TBC1D5: variants seen among roughly 807,000 people sequenced by gnomAD.
The protein encoded by TBC1D5 is TBC1 domain family, member 5.
TBC1D5 carries 75 observed loss-of-function variants against 100.3 expected under a neutral mutation model. The ratio of observed to expected loss-of-function variants is 0.75; its 90% CI spans 0.62 to 0.91. The LOEUF (loss-of-function observed/expected upper bound fraction) is 0.91. TBC1D5 is among the 40% of genes least tolerant of loss of function. TBC1D5 has a pLI of 0.00. For synonymous variants in TBC1D5, 323 were observed against 325.6 expected (o/e 0.99, Z 0.09); for missense variants, 910 against 942.4 (o/e 0.97, Z 0.45).
intron 2 of TBC1D5, among the ~76,000 whole-genome samples, chr3:17,618,299 A>G (rs1454048584): frequency 6.6e-6 from 1 of 152,106 alleles, no homozygotes; most frequent in Non-Finnish European, 1.5e-5. Context: ...ACCCGCCTGT[A>G]TGAGGTGTCT....
intron 16 of TBC1D5, among the ~76,000 whole-genome samples, chr3:17,248,884 T>C (rs758138492): frequency 5.9e-5 from 9 of 152,202 alleles, no homozygotes; most frequent in African/African-American, 1.9e-4. Context: ...TCAATTATCA[T>C]AGATACATCT....
At chr3:17,441,563 G>C (rs2149542760) in intron 3 of TBC1D5, among the ~76,000 whole-genome samples, 1 of 152,298 alleles carries the variant, frequency 6.6e-6, no homozygotes, top group Admixed American at 6.5e-5. Context: ...ACTGGGGGCA[G>C]AGTACTATGA....
intron 2 of TBC1D5, among the ~76,000 whole-genome samples, chr3:17,530,582 G>A (rs898050550): frequency 6.6e-6 from 1 of 152,078 alleles, no homozygotes; most frequent in African/African-American, 2.4e-5. Flanking sequence ...CCACACACTA[G>A]CCAAAGCTTT....
chr3:17,672,906 G>A (rs1236462659), intron 1 of TBC1D5, among the ~76,000 whole-genome samples: 1 of 152,138 alleles, frequency 6.6e-6, no homozygotes, highest in African/African-American at 2.4e-5. Context: ...AAAGTATCCT[G>A]ACCCTTAATG....
At chr3:17,567,996 A>G (rs1456117402) in intron 2 of TBC1D5, among the ~76,000 whole-genome samples, 1 of 151,624 alleles carries the variant, frequency 6.6e-6, no homozygotes, top group African/African-American at 2.4e-5. Context: ...CAACAAGAGT[A>G]TACTAATTCT....
chr3:17,736,344 AAG>A (rs1241116781), intron 1 of TBC1D5, among the ~76,000 whole-genome samples: 1 of 152,204 alleles, frequency 6.6e-6, no homozygotes, highest in African/African-American at 2.4e-5. Context: ...CCACAGGATA[AAG>A]AGACTTAAAT....
chr3:17,531,215 G>A (rs1234652627), intron 2 of TBC1D5, among the ~76,000 whole-genome samples: 1 of 152,192 alleles, frequency 6.6e-6, no homozygotes, highest in Admixed American at 6.5e-5. Context: ...GCCAAGTCAT[G>A]AGTGAACTCC....
At position 17,605,982 on chromosome 3, in the gene TBC1D5, T is replaced by C. The variant is rs560654621; in HGVS notation, c.-36+17867A>G. On this transcript the variant is annotated intron_variant, in intron 2 of 21. Coordinates refer to ENST00000253692, the Ensembl canonical transcript of TBC1D5. ...AGCTTGCTCTCTAGTTCTAGACACA[T>C]TTATTTTGCAAGTTGGCCTGTCTAA... Among the ~76,000 whole-genome samples the C allele has an allele frequency of 2.4e-4, 37 of 152,324 alleles. 1 individual carries two copies. The highest frequency in any genetic ancestry group is 8.4e-4 in the African/African-American group (35 of 41,580).
At chr3:17,403,552 A>AC (rs752353739) in intron 7 of TBC1D5, among the ~76,000 whole-genome samples, 3 of 152,160 alleles carry the variant, frequency 2.0e-5, no homozygotes, top group Admixed American at 6.6e-5. Flanking sequence ...AAAATTAAAA[A>AC]TAGCAATACA....
chr3:17,625,960 T>C (rs2063017128), intron 1 of TBC1D5, among the ~76,000 whole-genome samples: 1 of 152,146 alleles, frequency 6.6e-6, no homozygotes, highest in Non-Finnish European at 1.5e-5. Flanking sequence ...ATAAATGACA[T>C]AAAATTTACT....
intron 17 of TBC1D5, among the ~76,000 whole-genome samples, chr3:17,230,168 T>G (rs543913662): frequency 6.6e-6 from 1 of 152,270 alleles, no homozygotes; most frequent in African/African-American, 2.4e-5. Context: ...CTCACTCTTG[T>G]GAGTGGAAGC....
chr3:17,384,918 A>G (rs896623469), intron 8 of TBC1D5, among the ~76,000 whole-genome samples: 1 of 152,098 alleles, frequency 6.6e-6, no homozygotes, highest in Admixed American at 6.6e-5. Context: ...TTTTTGAATA[A>G]GGAAGTGATA....
Position 17,185,807 on chromosome 3 carries a change from G to A in TBC1D5, c.1753-599C>T, listed in dbSNP as rs186135727. Among the ~76,000 whole-genome samples, 126 of 152,162 alleles carry A rather than the reference G, an allele frequency of 8.3e-4. 2 individuals carry two copies. In the East Asian group the frequency reaches 0.013, roughly 15 times the overall value. On this transcript the variant is annotated intron_variant, in intron 18 of 21. Transcript: ENST00000253692. Reference sequence around the variant, plus strand: ...CGCTTGGAAAAGTTTTGCCTCAGCAGCCCATAAATTGTTGCTCCTCTCTCT... The same window carrying A: ...CGCTTGGAAAAGTTTTGCCTCAGCAACCCATAAATTGTTGCTCCTCTCTCT...
At chr3:17,454,189 C>T (rs907231721) in intron 3 of TBC1D5, among the ~76,000 whole-genome samples, 15 of 152,206 alleles carry the variant, frequency 9.9e-5, no homozygotes, top group Admixed American at 2.0e-4. Flanking sequence ...AAATTGAAAG[C>T]CTTTTCTTTA....
At chr3:17,647,378 G>C (rs989105507) in intron 1 of TBC1D5, among the ~76,000 whole-genome samples, 4 of 152,134 alleles carry the variant, frequency 2.6e-5, no homozygotes, top group Non-Finnish European at 5.9e-5. Flanking sequence ...ATTATTAAGT[G>C]CTTCAGAGAA....
intron 1 of TBC1D5, among the ~76,000 whole-genome samples, chr3:17,713,249 T>C (rs555253788): frequency 1.2e-3 from 178 of 151,032 alleles, no homozygotes; most frequent in African/African-American, 2.5e-3. Flanking sequence ...CTTTTCTTTT[T>C]TTTTTTTTTT....
intron 1 of TBC1D5, among the ~76,000 whole-genome samples, chr3:17,639,505 T>C (rs1446759841): frequency 6.6e-6 from 1 of 150,756 alleles, no homozygotes; most frequent in Non-Finnish European, 1.5e-5. Context: ...CTTGAAAAGA[T>C]GAATCATACC....
At chr3:17,566,168 G>C (rs1373318121) in intron 2 of TBC1D5, among the ~76,000 whole-genome samples, 1 of 151,980 alleles carries the variant, frequency 6.6e-6, no homozygotes, top group Admixed American at 6.5e-5. Context: ...AATATATTCA[G>C]TTATGTGAGC....
At chr3:17,237,895 G>A (rs2075986099) in intron 17 of TBC1D5, among the ~76,000 whole-genome samples, 1 of 152,116 alleles carries the variant, frequency 6.6e-6, no homozygotes, top group Non-Finnish European at 1.5e-5. Flanking sequence ...CAATTTCTGT[G>A]TTGTGTTAAT....
Sources: gnomAD v4.1 joint callset for allele counts (sites outside exome capture counted in the v4.1 genomes callset) on GRCh38, gnomAD v4.1.1 for gene constraint, MANE v1.5 for transcripts, NCBI Gene and HGNC (gene_info 2026-07-23, HGNC 2026-07-21) for gene names.